Variants in ZNF536 observed in about 807,000 individuals in gnomAD.
The protein encoded by ZNF536 is zinc finger protein 536.
In ZNF536, 13 loss-of-function variants were observed where a neutral mutation model predicts 84.5. The ratio of observed to expected loss-of-function variants is 0.15; its 90% CI spans 0.10 to 0.24. The LOEUF is 0.24. ZNF536 is among the 10% of genes least tolerant of loss of function. The pLI is 1.00. For missense variants in ZNF536, 1,536 were observed against 1,747.5 expected (o/e 0.88, Z 2.16); for synonymous variants, 811 against 742.5 (o/e 1.09, Z -1.50).
chr19:30,231,345 G>T (rs930288882), intron 1 of ZNF536, among the ~76,000 whole-genome samples: 1 of 152,248 alleles, frequency 6.6e-6, no homozygotes, highest in Non-Finnish European at 1.5e-5. Context: ...CATCTCTCAG[G>T]CTGTGAAGGC....
upstream of ZNF536, among the ~76,000 whole-genome samples, chr19:30,368,358 T>C (rs930214834): frequency 1.3e-5 from 2 of 152,194 alleles, no homozygotes; most frequent in Admixed American, 1.3e-4. Context: ...AAAACTCTAG[T>C]TGCCAAATGT....
chr19:30,461,095 C>T (rs1221494871), intron 2 of ZNF536, among the ~76,000 whole-genome samples: 1 of 152,154 alleles, frequency 6.6e-6, no homozygotes, highest in Non-Finnish European at 1.5e-5. Flanking sequence ...CTCCCATTTC[C>T]CTGTTTCCCA....
At chr19:30,551,457 A>G (rs1318708093) in intron 4 of ZNF536, among the ~76,000 whole-genome samples, 2 of 152,152 alleles carry the variant, frequency 1.3e-5, no homozygotes, top group Non-Finnish European at 2.9e-5. Flanking sequence ...ACCTTTTCCC[A>G]AAACAGCAGC....
chr19:30,548,523 C>T lies in ZNF536; in HGVS notation c.2904C>T (p.Ser968=), dbSNP rs192904758. 634 of 1,614,094 alleles carry T rather than the reference C, an allele frequency of 3.9e-4. No homozygotes were observed. Among genetic ancestry groups the T allele is most frequent in the Admixed American group, 2.2e-3 (133 of 60,022 alleles). The part of the protein sequence containing the change: ...KPSGKSSQRK[S]EKSQYEPLDL... Reference sequence around the variant, plus strand: ...GTGGCAAGTCCTCCCAGAGGAAGTCCGAGAAATCTCAGTATGAACCCCTGG... The same window carrying T: ...GTGGCAAGTCCTCCCAGAGGAAGTCTGAGAAATCTCAGTATGAACCCCTGG... Residue 968 remains serine, a synonymous_variant, in exon 4 of 5, where the codon TCC becomes TCT. Transcript: ENST00000355537.
At chr19:30,265,215 C>A (rs2025448921) in intron 1 of ZNF536, among the ~76,000 whole-genome samples, 1 of 152,206 alleles carries the variant, frequency 6.6e-6, no homozygotes, top group Admixed American at 6.5e-5. Context: ...TCTTCAGTAC[C>A]TCAGTCTAGC....
intron 3 of ZNF536, 85 bp downstream of exon 3, chr19:30,535,084 C>G: frequency 6.9e-7 from 1 of 1,450,128 alleles, no homozygotes; most frequent in South Asian, 1.4e-5. Flanking sequence ...AGGTCCACAG[C>G]TGTGTGGGTC....
rs778981457 is a variant in ZNF536, at chr19:30,548,851, A to C, written c.3232A>C (p.Lys1078Gln). Residue 1078 changes from lysine (K) to glutamine (Q), a missense_variant, in exon 4 of 5, where the codon AAG becomes CAG. By Grantham distance (53) the Lys-to-Gln change is moderately conservative. Coordinates refer to ENST00000355537, the MANE Select transcript of ZNF536 (RefSeq NM_014717.3). The stretch of plus-strand genomic sequence containing the variant: ...CAGCTCTCTAGACTCTGCTTCTGAG[A>C]AGATGGCCCAAGGTCAGCTCAAGGA... The part of the protein sequence containing the change: ...MISSLDSASE[K>Q]MAQGQLKETL... 6.2e-7 allele frequency: 1 copy of C among 1,614,148 alleles called. No homozygotes were observed. The highest frequency in any genetic ancestry group is 8.5e-7 in the Non-Finnish European group (1 of 1,180,042).
At chr19:30,263,237 C>T (rs918646108) in intron 1 of ZNF536, among the ~76,000 whole-genome samples, 5 of 152,182 alleles carry the variant, frequency 3.3e-5, no homozygotes, top group African/African-American at 7.2e-5. Flanking sequence ...ACTAGAGCTT[C>T]GGTTGCTTAT....
chr19:30,232,430 C>T (rs112621427), intron 1 of ZNF536, among the ~76,000 whole-genome samples: 1 of 151,646 alleles, frequency 6.6e-6, no homozygotes, highest in Non-Finnish European at 1.5e-5. Flanking sequence ...CCTTCTGCCC[C>T]GCCTTTCTCC....
intron 1 of ZNF536, among the ~76,000 whole-genome samples, chr19:30,631,424 C>T (rs1226633552): frequency 6.6e-6 from 1 of 152,228 alleles, no homozygotes; most frequent in African/African-American, 2.4e-5. Context: ...GCTGTCCCCT[C>T]CCACCAGGGT....
chr19:30,241,488 C>T (rs570167614), intron 1 of ZNF536, among the ~76,000 whole-genome samples: 4 of 152,264 alleles, frequency 2.6e-5, no homozygotes, highest in South Asian at 4.2e-4. Context: ...CTGGCATCTG[C>T]GCCTGGACTT....
rs548862270 is a variant in ZNF536, at chr19:30,635,108, C to T, written c.170-75649C>T. Among the ~76,000 whole-genome samples, 8 of 152,220 alleles carry T rather than the reference C, an allele frequency of 5.3e-5. No individual in the cohort carries two copies. In the South Asian group the frequency reaches 1.0e-3, roughly 20 times the overall value. On this transcript the variant is annotated intron_variant, in intron 1 of 1. Coordinates refer to the ZNF536 transcript ENST00000592773. ...TGTGTGTGTATGCGCGTGCCCCACA[C>T]GCGCATGTTTAGGGACATACCATAT...
chr19:30,638,305 G>A (rs2049145705), intron 1 of ZNF536, among the ~76,000 whole-genome samples: 1 of 152,180 alleles, frequency 6.6e-6, no homozygotes, highest in African/African-American at 2.4e-5. Context: ...TTTGCTATAA[G>A]TACCTAAGAC....
In ZNF536 at chr19:30,255,161, T is replaced by TC. The variant is rs542685939; in HGVS notation, c.-190+26495dup. Reference sequence around the variant, plus strand: ...GCAATGATAGTGTCTCTGGATCTATTCCCCCCCTTTTTTTCATTCAAAAGA... The same window carrying TC: ...GCAATGATAGTGTCTCTGGATCTATTCCCCCCCCTTTTTTTCATTCAAAAGA... On this transcript the variant is annotated intron_variant, in intron 1 of 5. Coordinates refer to the ZNF536 transcript ENST00000585628. Among the ~76,000 whole-genome samples the TC allele has an allele frequency of 3.5e-4, 53 of 152,162 alleles. 1 individual carries two copies. Among genetic ancestry groups the TC allele is most frequent in the Admixed American group, 1.5e-3 (23 of 15,280 alleles).
chr19:30,592,952 A>G (rs1178759542), intron 1 of ZNF536, among the ~76,000 whole-genome samples: 1 of 152,224 alleles, frequency 6.6e-6, no homozygotes, highest in African/African-American at 2.4e-5. Context: ...GGTTTTTCAC[A>G]TTCATACCAT....
chr19:30,640,645 G>T (rs538487103), intron 1 of ZNF536, among the ~76,000 whole-genome samples: 1 of 152,290 alleles, frequency 6.6e-6, no homozygotes, highest in African/African-American at 2.4e-5. Context: ...TTGCTGACCT[G>T]GTGTTTGTAC....
chr19:30,579,871 C>T (rs2046860081), intron 1 of ZNF536, among the ~76,000 whole-genome samples: 1 of 152,188 alleles, frequency 6.6e-6, no homozygotes, highest in Admixed American at 6.5e-5. Context: ...CCTACAACCA[C>T]CTGCTTTACC....
chr19:30,239,254 G>C (rs535579896), intron 1 of ZNF536, among the ~76,000 whole-genome samples: 3 of 152,304 alleles, frequency 2.0e-5, no homozygotes, highest in Admixed American at 2.0e-4. Context: ...TATTAGACAG[G>C]TGGCCTTGGG....
At chr19:30,504,746 G>A (rs916531580) in intron 2 of ZNF536, among the ~76,000 whole-genome samples, 1 of 151,326 alleles carries the variant, frequency 6.6e-6, no homozygotes, top group African/African-American at 2.4e-5. Flanking sequence ...TGGGCTCCTC[G>A]GATTCAGGCT....
Sources: gnomAD v4.1 joint callset for allele counts (sites outside exome capture counted in the v4.1 genomes callset) on GRCh38, gnomAD v4.1.1 for gene constraint, MANE v1.5 for transcripts, NCBI Gene and HGNC (gene_info 2026-07-23, HGNC 2026-07-21) for gene names.